The following ACSM5 variants were observed in gnomAD, a reference collection of about 807,000 sequenced individuals.
The protein encoded by ACSM5 is acyl-coenzyme A synthetase ACSM5, mitochondrial.
Under a neutral mutation model 71.6 loss-of-function variants are expected in ACSM5, and 56 were observed. The ratio of observed to expected loss-of-function variants is 0.78; its 90% CI spans 0.63 to 0.98. The LOEUF is 0.98. Ranked by LOEUF, ACSM5 falls within the 50% of genes least tolerant of loss-of-function variation. The probability of loss-of-function intolerance (pLI) is 0.00; values close to 1 mark genes in which losing one functional copy is unlikely to be tolerated. For synonymous variants in ACSM5, 285 were observed against 281.5 expected, an observed-to-expected ratio of 1.01 and a Z score of -0.12; for missense variants, 723 against 726.0, an observed-to-expected ratio of 1.00 and a Z score of 0.05.
chr16:20,429,587 C>T (rs1399271845), intron 7 of ACSM5, 91 bp from the exon 8 acceptor site: 17 of 1,562,466 alleles, frequency 1.1e-5, no homozygotes, highest in Non-Finnish European at 1.5e-5. Flanking sequence ...CCCTCTAGTG[C>T]CTGTGGTGTT....
Position 20,411,708 on chromosome 16 carries a change from A to G in ACSM5, c.204+20A>G, listed in dbSNP as rs780054966. 8.1e-6 allele frequency: 13 copies of G among 1,612,892 alleles called. No homozygotes were observed. Among genetic ancestry groups the G allele is most frequent in the Non-Finnish European group, 1.1e-5 (13 of 1,179,662 alleles). ...GAAGAGGTGAAGCCTGTTCTGTCCTAGAGTCCATCTGGGGCATCTGAGGCT... is the reference window on the plus strand; with the variant it reads ...GAAGAGGTGAAGCCTGTTCTGTCCTGGAGTCCATCTGGGGCATCTGAGGCT... On this transcript the variant is annotated intron_variant, in intron 2 of 13. Transcript: ENST00000331849.
At chr16:20,430,919 G>A in intron 8 of ACSM5, 74 bp from the exon 9 acceptor site, 1 of 1,076,594 alleles carries the variant, frequency 9.3e-7, no homozygotes, top group Non-Finnish European at 1.4e-6. Flanking sequence ...ATCAGGCAGG[G>A]TGAGAGAAAG....
At chr16:20,419,813 A>G (rs1966870398) in intron 4 of ACSM5, 1 of 286,290 alleles carries the variant, frequency 3.5e-6, no homozygotes, top group Non-Finnish European at 6.7e-6. Context: ...TGTGCTATGT[A>G]AGCCTTCACC....
At chr16:20,423,688 C>T (rs544575556) in intron 5 of ACSM5, among the ~76,000 whole-genome samples, 15 of 152,346 alleles carry the variant, frequency 9.8e-5, no homozygotes, top group African/African-American at 3.1e-4. Flanking sequence ...ATCCACTGGA[C>T]TGTGAACTTT....
chr16:20,417,955 C>T (rs768743744), intron 2 of ACSM5, 104 bp from the exon 3 acceptor site: 2 of 1,146,228 alleles, frequency 1.7e-6, no homozygotes, highest in Non-Finnish European at 2.4e-6. Context: ...CTTTTTGAAC[C>T]CTGTGAATTT....
intron 6 of ACSM5, among the ~76,000 whole-genome samples, chr16:20,424,332 C>T (rs1262511127): frequency 6.6e-6 from 1 of 152,080 alleles, no homozygotes; most frequent in East Asian, 1.9e-4. Context: ...CACTTTCTTC[C>T]CTATGCTCCT....
rs1967219062 is a variant in ACSM5 at position 20,437,195 on chromosome 16, C to G, written c.1436+16C>G. The G allele has an allele frequency of 6.2e-7, 1 of 1,614,020 alleles. No individual in the cohort carries two copies. Among genetic ancestry groups the G allele is most frequent in the Non-Finnish European group, 8.5e-7 (1 of 1,179,994 alleles). On this transcript the variant is annotated intron_variant, in intron 11 of 13. Coordinates refer to ENST00000331849, the MANE Select transcript of ACSM5 (RefSeq NM_017888.3). ...ATTCTTCAAGGTCAAGCTGTCTGCA[C>G]TTTCCTCCTTCCTTTGAAATTTCAT...
chr16:20,416,718 G>C (rs1279410323), intron 2 of ACSM5, among the ~76,000 whole-genome samples: 2 of 151,984 alleles, frequency 1.3e-5, no homozygotes, highest in East Asian at 3.8e-4. Context: ...TAGATTAATT[G>C]GACTTCATGA....
intron 2 of ACSM5, 113 bp from the exon 3 acceptor site, chr16:20,417,945 CT>C: frequency 9.3e-7 from 1 of 1,076,868 alleles, no homozygotes; most frequent in Non-Finnish European, 1.3e-6. Flanking sequence ...TATTGCTTTG[CT>C]TTTTGAACCC....
rs1966847348 is a variant in ACSM5, at chr16:20,411,395, G to A, written c.-15-75G>A. The A allele has an allele frequency of 4.0e-6, 5 of 1,248,638 alleles. No individual in the cohort carries two copies. In the East Asian group the frequency reaches 1.0e-4, roughly 25 times the overall value. 77.3% of individuals were successfully genotyped at this position (1,248,638 alleles called of 1,614,324 possible). On this transcript the variant is annotated intron_variant, in intron 1 of 13. Coordinates refer to ENST00000331849, the MANE Select transcript of ACSM5 (RefSeq NM_017888.3). Reference sequence around the variant, plus strand: ...CAGTCACCATCAGCACTAACCACAGGTTTCTCCTAACCTATGTGTTGTCCC... The same window carrying A: ...CAGTCACCATCAGCACTAACCACAGATTTCTCCTAACCTATGTGTTGTCCC...
At position 20,431,309 on chromosome 16, in the gene ACSM5, C is replaced by G; in HGVS notation, c.1296C>G (p.Phe432Leu). ...RIRPTRPFCF[F>L]NCYLDNPEKT... is the part of the protein sequence containing the mutation. ...GACCCACTCGGCCCTTCTGTTTCTT[C>G]AATTGCTATTTGGTAAGAGACGGGG... Residue 432 changes from phenylalanine to leucine, a missense_variant, in exon 10 of 14, where the codon TTC becomes TTG. Coordinates refer to ENST00000331849, the MANE Select transcript of ACSM5 (RefSeq NM_017888.3). The G allele has an allele frequency of 1.9e-6, 3 of 1,613,942 alleles. No homozygotes were observed. The highest frequency in any genetic ancestry group is 2.5e-6 in the Non-Finnish European group (3 of 1,179,826).
At chr16:20,431,829 T>C (rs1462594578) in intron 10 of ACSM5, among the ~76,000 whole-genome samples, 1 of 152,016 alleles carries the variant, frequency 6.6e-6, no homozygotes, top group Non-Finnish European at 1.5e-5. Context: ...CGCACGCCTC[T>C]ATTCCCAGCT....
chr16:20,431,052 G>A lies in ACSM5; in HGVS notation c.1185G>A (p.Ala395=), dbSNP rs761749078. The A allele has an allele frequency of 3.6e-5, 58 of 1,613,666 alleles. No homozygotes were observed. Among genetic ancestry groups the A allele is most frequent in the East Asian group, 1.1e-4 (5 of 44,892 alleles). Residue 395 remains alanine, a synonymous_variant, in exon 9 of 14, where the codon GCG becomes GCA. Coordinates refer to ENST00000331849, the MANE Select transcript of ACSM5 (RefSeq NM_017888.3). Reference sequence around the variant, plus strand: ...TCAAGTCTGGATCCATGGGGAAGGCGTCCCCACCCTACGATGTGCAGGTAG... The same window carrying A: ...TCAAGTCTGGATCCATGGGGAAGGCATCCCCACCCTACGATGTGCAGGTAG... The part of the protein sequence containing the change: ...MKIKSGSMGK[A]SPPYDVQIVD...
intron 12 of ACSM5, among the ~76,000 whole-genome samples, chr16:20,438,976 AAAGT>A (rs1967260891): frequency 6.7e-6 from 1 of 148,844 alleles, no homozygotes; most frequent in African/African-American, 2.5e-5. Context: ...AAAAAAAAAA[AAAGT>A]GTCCAACAAA....
intron 7 of ACSM5, 86 bp from the exon 8 acceptor site, chr16:20,429,592 G>A: frequency 1.3e-6 from 2 of 1,576,012 alleles, no homozygotes; most frequent in South Asian, 2.2e-5. Flanking sequence ...TAGTGCCTGT[G>A]GTGTTTGCAT....
chr16:20,410,345 T>G (rs1966845279), intron 1 of ACSM5, among the ~76,000 whole-genome samples: 1 of 152,220 alleles, frequency 6.6e-6, no homozygotes, highest in Non-Finnish European at 1.5e-5. Context: ...ATATGACTCA[T>G]CTGAAGATCC....
At chr16:20,433,774 G>A (rs1409598843) in intron 10 of ACSM5, among the ~76,000 whole-genome samples, 1 of 151,604 alleles carries the variant, frequency 6.6e-6, no homozygotes, top group Non-Finnish European at 1.5e-5. Context: ...CCTGGGCTCA[G>A]CTGATCCTCC....
At chr16:20,435,903 TCCCA>T (rs1042117413) in intron 10 of ACSM5, among the ~76,000 whole-genome samples, 4 of 151,578 alleles carry the variant, frequency 2.6e-5, no homozygotes, top group African/African-American at 4.8e-5. Context: ...TGAGCCCTTC[TCCCA>T]CCCTCCCTTT....
chr16:20,419,498 A>G (rs1966869019), intron 4 of ACSM5, 63 bp downstream of exon 4: 4 of 1,486,968 alleles, frequency 2.7e-6, no homozygotes, highest in Non-Finnish European at 2.8e-6. Flanking sequence ...GCAACAAAAG[A>G]TGAAATGCAT....
Sources: allele counts gnomAD v4.1 joint callset (sites outside exome capture counted in the v4.1 genomes callset), GRCh38; gene constraint gnomAD v4.1.1; transcripts MANE v1.5; gene names NCBI Gene and HGNC (gene_info 2026-07-23, HGNC 2026-07-21).